Variants in SPTB observed in about 807,000 individuals in gnomAD.
SPTB encodes spectrin beta chain, erythrocytic.
In SPTB, 45 loss-of-function variants were observed where a neutral mutation model predicts 256.2. The observed-to-expected ratio is 0.18, with a 90% CI of 0.14 to 0.23. The LOEUF is 0.23. Ranked by LOEUF, SPTB falls within the 10% of genes least tolerant of loss-of-function variation. SPTB has a pLI of 1.00. For synonymous variants in SPTB, 1,231 were observed against 1,243.1 expected (o/e 0.99, Z 0.21); for missense variants, 2,715 against 3,040.4 (o/e 0.89, Z 2.52).
At chr14:64,809,408 T>G (rs7401313) in intron 2 of SPTB, among the ~76,000 whole-genome samples, 4 of 149,898 alleles carry the variant, frequency 2.7e-5, no homozygotes, top group Middle Eastern at 3.2e-3. Flanking sequence ...TGCAGTGGTG[T>G]GATCTCGGCT....
intron 1 of SPTB, among the ~76,000 whole-genome samples, chr14:64,850,821 C>A (rs1046961651): frequency 2.0e-5 from 3 of 152,192 alleles, no homozygotes; most frequent in Non-Finnish European, 4.4e-5. Flanking sequence ...CTGTCAAACT[C>A]TGTTCTTCTG....
Position 64,823,091 on chromosome 14 carries a change from T to C in SPTB, c.4A>G (p.Thr2Ala), listed in dbSNP as rs750322310. The C allele has an allele frequency of 1.2e-6, 2 of 1,614,156 alleles. No homozygotes were observed. The highest frequency in any genetic ancestry group is 2.2e-5 in the East Asian group (1 of 44,870). ...ACATTTTCAAACTCTGTGGCCGATGTCATGTCAGCAGGCTCTTAGCAGCTC... is the reference window on the plus strand; with the variant it reads ...ACATTTTCAAACTCTGTGGCCGATGCCATGTCAGCAGGCTCTTAGCAGCTC... M[T>A]SATEFENVGN... The change falls in exon 2 of 36, where the codon ACA becomes GCA. Residue 2 changes from threonine (T) to alanine (A), a missense_variant. Physicochemically the swap from Thr to Ala is moderately conservative, Grantham distance 58. Transcript: ENST00000644917. This position sits in a 1 kb window ranked among gnomAD's most constrained non-coding sequence, Gnocchi z 6.5.
At chr14:64,750,497 C>T (rs896855732) in intron 33 of SPTB, among the ~76,000 whole-genome samples, 1 of 151,648 alleles carries the variant, frequency 6.6e-6, no homozygotes, top group Non-Finnish European at 1.5e-5. Flanking sequence ...CTTTTTTTGC[C>T]AGGCAAGATG....
Position 64,793,001 on chromosome 14 carries a change from G to A in SPTB, c.2662C>T (p.His888Tyr), listed in dbSNP as rs780485535. 6 of 1,613,824 alleles carry A rather than the reference G, an allele frequency of 3.7e-6. No homozygotes were observed. The highest frequency in any genetic ancestry group is 4.2e-6 in the Non-Finnish European group (5 of 1,180,032). ...AAAAGATGAGTTAACTCTGACCTGT[G>A]CTGCACGACCTCCAGGTCCTCCAGG... ...DTLEDLEVVQ[H>Y]RFDILDQEMK... The change falls in exon 14 of 36, where the codon CAC becomes TAC. Residue 888 changes from histidine (H) to tyrosine (Y), a missense_variant. Physicochemically the swap from His to Tyr is moderately conservative, Grantham distance 83 (BLOSUM62 2). Transcript: ENST00000644917. This position sits in a 1 kb window ranked among gnomAD's most constrained non-coding sequence, Gnocchi z 7.0.
At chr14:64,770,715 G>A (rs1343994138) in intron 27 of SPTB, among the ~76,000 whole-genome samples, 170 bp downstream of exon 27, 2 of 152,170 alleles carry the variant, frequency 1.3e-5, no homozygotes, top group Non-Finnish European at 2.9e-5. Flanking sequence ...GCTGACCCAG[G>A]CCATTTCTGC....
In SPTB at chr14:64,845,697, T is replaced by C. The variant is rs1267157022; in HGVS notation, c.-51-22552A>G. On this transcript the variant is annotated intron_variant, in intron 1 of 35. Transcript: ENST00000644917. The surrounding 1 kb of genome is among the most constrained non-coding windows in gnomAD (Gnocchi z 4.8). ...AGCCTTTGACAATAGGAAATTATCA[T>C]GTTTTAGGGATTAGAAGTTTCCCTG... 6.6e-6 allele frequency among the ~76,000 whole-genome samples: 1 copy of C among 152,240 alleles called. No individual in the cohort carries two copies. Among genetic ancestry groups the C allele is most frequent in the Non-Finnish European group, 1.5e-5 (1 of 68,038 alleles).
intron 1 of SPTB, among the ~76,000 whole-genome samples, chr14:64,860,677 C>G (rs28625548): frequency 0.099 from 15,025 of 152,222 alleles, 921 homozygotes; most frequent in Non-Finnish European, 0.14. Flanking sequence ...CAAACACATC[C>G]TCAGTGCCAG....
chr14:64,757,483 T>A (rs1036041713), intron 32 of SPTB: 1 of 152,124 alleles, frequency 6.6e-6, no homozygotes, highest in African/African-American at 2.4e-5. Flanking sequence ...CTTTGGAAAA[T>A]GGGGGTTTTC....
chr14:64,776,623 G>A (rs1028425777), intron 22 of SPTB, among the ~76,000 whole-genome samples: 5 of 152,086 alleles, frequency 3.3e-5, no homozygotes, highest in African/African-American at 1.2e-4. Flanking sequence ...TGTATTTTTT[G>A]TAGAGATGGG....
In SPTB at chr14:64,803,661, A is replaced by G. The variant is rs2139637209; in HGVS notation, c.420T>C (p.Asp140=). ...LENMGSHDIV[D]GNHRLVLGLI... Reference sequence around the variant, plus strand: ...GGCCCAGGACCAGGCGGTGGTTGCCATCTACAATGTCGTGGGAGCCCATGT... The same window carrying G: ...GGCCCAGGACCAGGCGGTGGTTGCCGTCTACAATGTCGTGGGAGCCCATGT... Residue 140 remains aspartate, a synonymous_variant, in exon 4 of 36, where the codon GAT becomes GAC. Transcript: ENST00000644917. 6.2e-6 allele frequency: 10 copies of G among 1,614,176 alleles called. No homozygotes were observed. The highest frequency in any genetic ancestry group is 8.5e-6 in the Non-Finnish European group (10 of 1,180,030).
chr14:64,761,939 C>T (rs1006858492), intron 32 of SPTB, among the ~76,000 whole-genome samples: 4 of 152,192 alleles, frequency 2.6e-5, no homozygotes, highest in Admixed American at 1.3e-4. Flanking sequence ...CTGAGGCCAT[C>T]AGTATCTAGG....
chr14:64,831,760 G>T (rs538689897), intron 1 of SPTB, among the ~76,000 whole-genome samples: 1 of 152,226 alleles, frequency 6.6e-6, no homozygotes, highest in Non-Finnish European at 1.5e-5. Flanking sequence ...ACTGGGGCAG[G>T]GACAGGTAAA....
intron 23 of SPTB, among the ~76,000 whole-genome samples, chr14:64,774,750 A>G (rs2082332230): frequency 6.6e-6 from 1 of 151,762 alleles, no homozygotes; most frequent in African/African-American, 2.4e-5. Context: ...TCCGACATAT[A>G]CCCTTCCTTT....
In SPTB at chr14:64,772,798, A is replaced by G; in HGVS notation, c.5335T>C (p.Trp1779Arg). ...AEWKDGLNEM[W>R]ADLLELIDTR... The stretch of plus-strand genomic sequence containing the variant: ...TCAATGAGCTCCAGGAGGTCTGCCC[A>G]CATCTCGTTCAGCCCGTCCTTCCAC... Residue 1779 changes from tryptophan (W) to arginine (R), a missense_variant, in exon 26 of 36, where the codon TGG (tryptophan) becomes CGG (arginine). Physicochemically the swap from Trp to Arg is moderately radical, Grantham distance 101. This residue lies in a region of SPTB where 2,239 missense variants were observed against 2,384.4 expected (regional missense o/e 0.94). Coordinates refer to ENST00000644917, the MANE Select transcript of SPTB (RefSeq NM_001355436.2). The surrounding 1 kb of genome is among the most constrained non-coding windows in gnomAD (Gnocchi z 5.4). 6.2e-7 allele frequency: 1 copy of G among 1,613,954 alleles called. No homozygotes were observed. Among genetic ancestry groups the G allele is most frequent in the Non-Finnish European group, 8.5e-7 (1 of 1,180,032 alleles).
chr14:64,774,389 G>A lies in SPTB; in HGVS notation c.4973+8C>T, dbSNP rs762682961. On this transcript the variant is annotated splice_region_variant and intron_variant, in intron 24 of 35. Transcript: ENST00000644917. ...TCCTGACCGAGTCACCACAGGGGGC[G>A]CACGCACCCCTCAGGGTGGCCTGCA... 2.4e-5 allele frequency: 38 copies of A among 1,585,240 alleles called. No individual in the cohort carries two copies. Among genetic ancestry groups the A allele is most frequent in the Middle Eastern group, 1.9e-4 (1 of 5,290 alleles).
At chr14:64,872,579 C>T (rs1176015943) in intron 1 of SPTB, among the ~76,000 whole-genome samples, 2 of 152,240 alleles carry the variant, frequency 1.3e-5, no homozygotes, top group African/African-American at 4.8e-5. Flanking sequence ...GTGGTTAGCT[C>T]TCCCCATGAC....
chr14:64,864,227 T>C (rs7149121), intron 1 of SPTB, among the ~76,000 whole-genome samples: 142,756 of 152,082 alleles, frequency 0.94, 67,613 homozygotes, highest in Non-Finnish European at 0.98. Flanking sequence ...GAGGCCAAGG[T>C]GGGAGGATCA....
At chr14:64,794,341 C>G in intron 13 of SPTB, 126 bp downstream of exon 13, 1 of 1,311,178 alleles carries the variant, frequency 7.6e-7, no homozygotes. Context: ...TTTCTTGGAC[C>G]ATTACTTGAT....
chr14:64,859,558 A>C (rs1277017598), intron 1 of SPTB, among the ~76,000 whole-genome samples: 1 of 152,168 alleles, frequency 6.6e-6, no homozygotes, highest in Non-Finnish European at 1.5e-5. Flanking sequence ...CAGTCTGGAC[A>C]ACATAAGAAA....
Sources: gnomAD v4.1 joint callset for allele counts (sites outside exome capture counted in the v4.1 genomes callset) on GRCh38, gnomAD v4.1.1 for gene constraint, gnomAD v4.1.1 regional missense constraint, Gnocchi (gnomAD v3.1) non-coding constraint, MANE v1.5 for transcripts, NCBI Gene and HGNC (gene_info 2026-07-23, HGNC 2026-07-21) for gene names.